The following GPC5 variants were observed in gnomAD, a reference collection of about 807,000 sequenced individuals.
GPC5 encodes the protein glypican-5.
Under a neutral mutation model 53.9 loss-of-function variants are expected in GPC5, and 47 were observed. The ratio of observed to expected loss-of-function variants is 0.87; its 90% CI spans 0.69 to 1.11. GPC5 has a LOEUF of 1.11. Among genes scored for constraint, GPC5 ranks in the 50% most tolerant of loss-of-function variants. GPC5 has a pLI of 0.00. For missense variants in GPC5, 748 were observed against 713.1 expected (o/e 1.05, Z -0.56); for synonymous variants, 286 against 263.3 (o/e 1.09, Z -0.84).
chr13:92,799,792 C>T (rs1326837632), intron 7 of GPC5, among the ~76,000 whole-genome samples: 1 of 151,732 alleles, frequency 6.6e-6, no homozygotes, highest in African/African-American at 2.4e-5. Context: ...GTCTATCAGT[C>T]GCTTTTCTCC....
intron 7 of GPC5, among the ~76,000 whole-genome samples, chr13:92,430,159 C>G (rs767662430): frequency 4.6e-5 from 7 of 151,746 alleles, no homozygotes; most frequent in African/African-American, 7.3e-5. Context: ...ATATAGCTCC[C>G]TGAGAGGAGG....
At chr13:92,011,305 T>C (rs565102262) in intron 6 of GPC5, among the ~76,000 whole-genome samples, 108 of 152,314 alleles carry the variant, frequency 7.1e-4, no homozygotes, top group African/African-American at 2.4e-3. Context: ...GTGATCATCA[T>C]TTGTAGCTGT....
chr13:92,043,067 A>G (rs2040954036), intron 6 of GPC5, among the ~76,000 whole-genome samples: 1 of 152,242 alleles, frequency 6.6e-6, no homozygotes, highest in South Asian at 2.1e-4. Flanking sequence ...CATATAATCT[A>G]AAGAAGACAG....
chr13:92,845,137 A>G lies in GPC5; in HGVS notation c.1562-21145A>G, dbSNP rs535396327. 1.3e-3 allele frequency among the ~76,000 whole-genome samples: 193 copies of G among 148,428 alleles called. 1 individual carries two copies. Among genetic ancestry groups the G allele is most frequent in the African/African-American group, 4.7e-3 (186 of 39,916 alleles). ...CTGAATACATTGTGATCTATAAGGG[A>G]AAAAAAAAAGATGCTTTATATGTGA... On this transcript the variant is annotated intron_variant, in intron 7 of 7. Coordinates refer to ENST00000377067, the MANE Select transcript of GPC5 (RefSeq NM_004466.6).
At chr13:92,413,754 T>C (rs1171828626) in intron 7 of GPC5, among the ~76,000 whole-genome samples, 3 of 152,110 alleles carry the variant, frequency 2.0e-5, no homozygotes, top group Non-Finnish European at 4.4e-5. Flanking sequence ...GTAAAGGATA[T>C]AAGGTACACA....
At chr13:91,487,965 C>G (rs1275244148) in intron 2 of GPC5, among the ~76,000 whole-genome samples, 1 of 148,838 alleles carries the variant, frequency 6.7e-6, no homozygotes, top group Non-Finnish European at 1.5e-5. Flanking sequence ...TACAATATGA[C>G]TAAGGAGATA....
At chr13:92,454,609 T>A (rs1363697518) in intron 7 of GPC5, among the ~76,000 whole-genome samples, 1 of 152,198 alleles carries the variant, frequency 6.6e-6, no homozygotes, top group Non-Finnish European at 1.5e-5. Flanking sequence ...GTAGACAAGA[T>A]AGATGTGATC....
intron 7 of GPC5, among the ~76,000 whole-genome samples, chr13:92,433,118 G>T (rs767001064): frequency 4.6e-5 from 7 of 152,216 alleles, no homozygotes; most frequent in Non-Finnish European, 2.9e-5. Context: ...TTTGCTGATG[G>T]AAATGAACCA....
chr13:92,229,914 G>A (rs756507169), intron 7 of GPC5, among the ~76,000 whole-genome samples: 26 of 151,888 alleles, frequency 1.7e-4, no homozygotes, highest in South Asian at 1.0e-3. Context: ...TTCCCCTAAA[G>A]CATTTTAAAA....
chr13:92,518,758 G>A (rs1594269270), intron 7 of GPC5, among the ~76,000 whole-genome samples: 1 of 152,134 alleles, frequency 6.6e-6, no homozygotes, highest in Admixed American at 6.5e-5. Context: ...ATAATGACAG[G>A]ATCAAATTCA....
At chr13:92,633,266 A>G (rs529006748) in intron 7 of GPC5, among the ~76,000 whole-genome samples, 1 of 152,274 alleles carries the variant, frequency 6.6e-6, no homozygotes, top group South Asian at 2.1e-4. Context: ...TGTGGGAGTT[A>G]CAATTCAAGA....
chr13:91,879,881 T>G (rs1334493350), intron 5 of GPC5, among the ~76,000 whole-genome samples: 1 of 152,190 alleles, frequency 6.6e-6, no homozygotes, highest in Non-Finnish European at 1.5e-5. Context: ...ATTCAGTTCC[T>G]TTTTCTTTTA....
At chr13:92,595,632 G>T (rs1594332621) in intron 7 of GPC5, among the ~76,000 whole-genome samples, 1 of 151,412 alleles carries the variant, frequency 6.6e-6, no homozygotes, top group African/African-American at 2.4e-5. Context: ...GCCGGGCGTG[G>T]TGGCGGGCAC....
In GPC5 at chr13:92,465,310, A is replaced by G. The variant is rs185593481; in HGVS notation, c.1561+320321A>G. Among the ~76,000 whole-genome samples, 484 of 152,202 alleles carry G rather than the reference A, an allele frequency of 3.2e-3. 5 individuals are homozygous for G. Among genetic ancestry groups the G allele is most frequent in the African/African-American group, 0.011 (444 of 41,580 alleles). On this transcript the variant is annotated intron_variant, in intron 7 of 7. Transcript: ENST00000377067. ...AGCTATCCAAAATTCAAGAAATTCT[A>G]TTGGAATATTGCTTTCTGATGAGAA...
rs555943657 is a variant in GPC5 at position 92,645,898 on chromosome 13, G to T, written c.1562-220384G>T. ...TTGGCTTCTTAATATTGAGTTGTAA[G>T]AATTCTTAGTATATTCTGGATACAA... On this transcript the variant is annotated intron_variant, in intron 7 of 7. Transcript: ENST00000377067. Among the ~76,000 whole-genome samples the T allele has an allele frequency of 2.6e-5, 4 of 151,880 alleles. No homozygotes were observed. In the East Asian group the frequency reaches 7.7e-4, roughly 29 times the overall value.
At chr13:91,812,418 A>G (rs1447154067) in intron 5 of GPC5, among the ~76,000 whole-genome samples, 2 of 152,222 alleles carry the variant, frequency 1.3e-5, no homozygotes, top group Non-Finnish European at 2.9e-5. Context: ...AAAAATATTT[A>G]TGAAGTACTT....
At chr13:92,145,442 T>C (rs1254238853) in intron 7 of GPC5, among the ~76,000 whole-genome samples, 1 of 151,926 alleles carries the variant, frequency 6.6e-6, no homozygotes, top group Non-Finnish European at 1.5e-5. Flanking sequence ...TTATTGATCA[T>C]GAAAACTACT....
chr13:92,126,101 C>T (rs139807882), intron 6 of GPC5, among the ~76,000 whole-genome samples: 3,631 of 151,474 alleles, frequency 0.024, 70 homozygotes, highest in Middle Eastern at 0.041. Flanking sequence ...ATTATAGGCA[C>T]GTGCCACCAC....
intron 6 of GPC5, among the ~76,000 whole-genome samples, chr13:91,968,157 A>G (rs2040206896): frequency 6.6e-6 from 1 of 152,032 alleles, no homozygotes; most frequent in East Asian, 1.9e-4. Flanking sequence ...TCCTTTGTTT[A>G]ATTACATTCT....
Sources: gnomAD v4.1 joint callset for allele counts (sites outside exome capture counted in the v4.1 genomes callset) on GRCh38, gnomAD v4.1.1 for gene constraint, MANE v1.5 for transcripts, NCBI Gene and HGNC (gene_info 2026-07-23, HGNC 2026-07-21) for gene names.